CMKLR1: variants seen among roughly 807,000 people sequenced by gnomAD.
CMKLR1 encodes chemerin-like receptor 1.
In CMKLR1, 6 loss-of-function variants were observed where a neutral mutation model predicts 8.2. The ratio of observed to expected loss-of-function variants is 0.73; its 90% CI spans 0.40 to 1.44. The LOEUF is 1.44. Among genes scored for constraint, CMKLR1 ranks in the 40% most tolerant of loss-of-function variants. The pLI, the probability that CMKLR1 is intolerant of heterozygous loss-of-function variation, is 0.02. For synonymous variants in CMKLR1, 178 were observed against 181.2 expected (o/e 0.98, Z 0.14); for missense variants, 429 against 478.0 (o/e 0.90, Z 0.96).
At chr12:108,303,071 T>A (rs1033717129) in intron 2 of CMKLR1, among the ~76,000 whole-genome samples, 1 of 152,064 alleles carries the variant, frequency 6.6e-6, no homozygotes, top group East Asian at 2.0e-4. Flanking sequence ...GGTTACTGAA[T>A]CCCTGACCGA....
At chr12:108,337,007 C>G (rs1167231555) in intron 1 of CMKLR1, among the ~76,000 whole-genome samples, 1 of 152,194 alleles carries the variant, frequency 6.6e-6, no homozygotes, top group Admixed American at 6.5e-5. Context: ...TTCCATGTCA[C>G]TCAGTTGGCA....
intron 2 of CMKLR1, among the ~76,000 whole-genome samples, chr12:108,312,693 C>T (rs1891616613): frequency 6.6e-6 from 1 of 152,226 alleles, no homozygotes; most frequent in Non-Finnish European, 1.5e-5. Flanking sequence ...CACTGCCTGA[C>T]TCTGGAGTCC....
chr12:108,295,146 A>T lies in CMKLR1; in HGVS notation c.-73-1482T>A, dbSNP rs1252523286. Among the ~76,000 whole-genome samples, 8 of 152,326 alleles carry T rather than the reference A, an allele frequency of 5.3e-5. No individual in the cohort carries two copies. The East Asian group carries it at 1.5e-3, about 29-fold the overall frequency. On this transcript the variant is annotated intron_variant, in intron 2 of 3. Coordinates refer to ENST00000550402, the MANE Select transcript of CMKLR1 (RefSeq NM_001142343.2). ...GGAGGTAACCTGACAGGTGTGCATG[A>T]CAGTAGTGGGGAATGCACATTGAGC...
At chr12:108,329,785 G>T (rs1249270112) in intron 2 of CMKLR1, among the ~76,000 whole-genome samples, 1 of 152,200 alleles carries the variant, frequency 6.6e-6, no homozygotes. Flanking sequence ...CACAGTTAGT[G>T]CTCAGTAAAT....
At chr12:108,311,610 A>C (rs1192340902) in intron 2 of CMKLR1, among the ~76,000 whole-genome samples, 1 of 152,210 alleles carries the variant, frequency 6.6e-6, no homozygotes, top group East Asian at 1.9e-4. Context: ...TGGGTGACAG[A>C]GCAAGACTTT....
intron 2 of CMKLR1, among the ~76,000 whole-genome samples, chr12:108,320,090 A>G (rs1302721516): frequency 6.6e-6 from 1 of 152,154 alleles, no homozygotes; most frequent in East Asian, 1.9e-4. Flanking sequence ...CTGCCTGGAC[A>G]CAGTGAAATT....
At chr12:108,334,619 C>A (rs562062970) in intron 1 of CMKLR1, among the ~76,000 whole-genome samples, 1 of 152,324 alleles carries the variant, frequency 6.6e-6, no homozygotes, top group East Asian at 1.9e-4. Context: ...GGGAGCCCAG[C>A]CCAAGGAAAA....
intron 2 of CMKLR1, among the ~76,000 whole-genome samples, chr12:108,300,962 G>A (rs1891251687): frequency 6.6e-6 from 1 of 152,134 alleles, no homozygotes; most frequent in Non-Finnish European, 1.5e-5. Context: ...GAGGCTCAGG[G>A]GGTGAAAAAA....
intron 2 of CMKLR1, among the ~76,000 whole-genome samples, chr12:108,297,350 G>A (rs149343514): frequency 2.8e-4 from 43 of 152,152 alleles, no homozygotes; most frequent in Admixed American, 2.6e-3. Flanking sequence ...AAAAAAATAC[G>A]TGTCAATTGG....
chr12:108,295,499 A>G (rs1197831927), intron 2 of CMKLR1, among the ~76,000 whole-genome samples: 1 of 152,234 alleles, frequency 6.6e-6, no homozygotes, highest in Non-Finnish European at 1.5e-5. Flanking sequence ...TCCCAAAAGG[A>G]GCTCACAGGT....
intron 2 of CMKLR1, among the ~76,000 whole-genome samples, chr12:108,315,399 T>C (rs1203127181): frequency 2.6e-5 from 4 of 152,242 alleles, no homozygotes; most frequent in African/African-American, 9.6e-5. Flanking sequence ...CTTCTTGTCA[T>C]GTTCCTTTCA....
chr12:108,336,828 A>C lies in CMKLR1; in HGVS notation c.-287+2199T>G, dbSNP rs531432097. Reference sequence around the variant, plus strand: ...GCACAGTGGAATAGAAATGATCATCAGAACAATAGCTAATGTTTATAGAGA... The same window carrying C: ...GCACAGTGGAATAGAAATGATCATCCGAACAATAGCTAATGTTTATAGAGA... On this transcript the variant is annotated intron_variant, in intron 1 of 3. Transcript: ENST00000550402. 3.3e-5 allele frequency among the ~76,000 whole-genome samples: 5 copies of C among 152,386 alleles called. No homozygotes were observed. The East Asian group carries it at 9.6e-4, about 29-fold the overall frequency.
At chr12:108,334,380 T>C (rs191632172) in intron 1 of CMKLR1, among the ~76,000 whole-genome samples, 11 of 152,342 alleles carry the variant, frequency 7.2e-5, no homozygotes, top group African/African-American at 2.4e-4. Flanking sequence ...GCACCCACTA[T>C]GTGGCCAGCC....
At chr12:108,303,091 G>A (rs1891320524) in intron 2 of CMKLR1, among the ~76,000 whole-genome samples, 1 of 152,242 alleles carries the variant, frequency 6.6e-6, no homozygotes. Context: ...AGCCACAGTG[G>A]CCAGGCAGGG....
In CMKLR1 at chr12:108,290,232, C is replaced by T. The variant is rs920472709; in HGVS notation, c.*1609G>A. On this transcript the variant is annotated 3_prime_UTR_variant, in exon 4 of 4. Transcript: ENST00000550402. ...AATATTTATGGCAAAAATCTCCAAA[C>T]TTTTTAAGTCCTTCCCAACTCTGCA... is the stretch of plus-strand genomic sequence containing the variant. 5 of 152,202 alleles carry T rather than the reference C, an allele frequency of 3.3e-5. No homozygotes were observed. Among genetic ancestry groups the T allele is most frequent in the African/African-American group, 7.2e-5 (3 of 41,452 alleles). 9.4% of individuals were successfully genotyped at this position (152,202 alleles called of 1,614,324 possible). A position where few individuals can be genotyped will look rare whatever the true frequency, so the allele number is the denominator to read the frequency against.
chr12:108,305,847 C>A (rs1459207778), intron 2 of CMKLR1, among the ~76,000 whole-genome samples: 3 of 152,138 alleles, frequency 2.0e-5, no homozygotes, highest in Non-Finnish European at 4.4e-5. Context: ...GAAGGGGCCA[C>A]GACGGAGCTT....
chr12:108,316,300 C>T (rs11834024), intron 2 of CMKLR1, among the ~76,000 whole-genome samples: 13,300 of 151,882 alleles, frequency 0.088, 1,353 homozygotes, highest in African/African-American at 0.25. Context: ...AGGGGCTCGG[C>T]GGGATAGGTG....
At chr12:108,296,542 G>T (rs1327317141) in intron 2 of CMKLR1, among the ~76,000 whole-genome samples, 1 of 152,184 alleles carries the variant, frequency 6.6e-6, no homozygotes, top group Non-Finnish European at 1.5e-5. Context: ...AAGGGACACA[G>T]AGGCCAGGCA....
In CMKLR1 at chr12:108,292,487, G is replaced by T; in HGVS notation, c.476C>A (p.Ala159Asp). 1 of 1,614,162 alleles carries T rather than the reference G, an allele frequency of 6.2e-7. No individual in the cohort carries two copies. Residue 159 changes from alanine to aspartate, a missense_variant, in exon 4 of 4, where the codon GCC becomes GAC. Transcript: ENST00000550402. ...NHRSVRLAYM[A>D]CMVIWVLAFF... is the part of the protein sequence containing the mutation. ...AGCCAGGACCCAGATGACCATGCAG[G>T]CCATGTAAGCCAGGCGAACGCTGCG...
Sources: gnomAD v4.1 joint callset for allele counts (sites outside exome capture counted in the v4.1 genomes callset) on GRCh38, gnomAD v4.1.1 for gene constraint, MANE v1.5 for transcripts, NCBI Gene and HGNC (gene_info 2026-07-23, HGNC 2026-07-21) for gene names.